YTHDF3: variants seen among roughly 807,000 people sequenced by gnomAD.
YTHDF3 encodes the protein YTH domain-containing family protein 3.
A neutral mutation model predicts 52.5 loss-of-function variants in YTHDF3; 9 were observed. The ratio of observed to expected loss-of-function variants is 0.17; its 90% confidence interval spans 0.10 to 0.30. The LOEUF is 0.30. Among genes scored for constraint, YTHDF3 ranks in the 10% least tolerant of loss-of-function variants. YTHDF3 has a pLI of 1.00. For missense variants in YTHDF3, 534 were observed against 715.0 expected (o/e 0.75, Z 2.89); for synonymous variants, 274 against 243.3 (o/e 1.13, Z -1.18).
At chr8:63,184,523 T>C (rs1808372643) in intron 3 of YTHDF3, among the ~76,000 whole-genome samples, 1 of 152,226 alleles carries the variant, frequency 6.6e-6, no homozygotes, top group Non-Finnish European at 1.5e-5. Context: ...CACAGGTAAT[T>C]TAATAGTAAA....
chr8:63,179,645 G>A (rs868211864), intron 3 of YTHDF3, among the ~76,000 whole-genome samples: 11 of 152,162 alleles, frequency 7.2e-5, no homozygotes, highest in Admixed American at 4.6e-4. Context: ...GCAACCATCC[G>A]ATTTCTCAAT....
chr8:63,208,256 T>TA (rs1409208211), intron 4 of YTHDF3, among the ~76,000 whole-genome samples: 1 of 152,120 alleles, frequency 6.6e-6, no homozygotes, highest in East Asian at 1.9e-4. Context: ...TGTATTAAAA[T>TA]AAAAAAGAAA....
At chr8:63,177,919 G>T (rs1172858527) in intron 3 of YTHDF3, among the ~76,000 whole-genome samples, 1 of 151,966 alleles carries the variant, frequency 6.6e-6, no homozygotes, top group Non-Finnish European at 1.5e-5. Flanking sequence ...TACCACGCCT[G>T]GCTAATTTTT....
chr8:63,169,157 A>G, intron 1 of YTHDF3: 1 of 1,419,174 alleles, frequency 7.0e-7, no homozygotes, highest in Non-Finnish European at 9.3e-7. Context: ...TGAGGGCGGC[A>G]GACATGGGGC....
intron 4 of YTHDF3, among the ~76,000 whole-genome samples, chr8:63,190,420 GTAT>G (rs1236248073): frequency 2.0e-5 from 3 of 151,728 alleles, no homozygotes; most frequent in African/African-American, 4.9e-5. Context: ...TATTGTAGCT[GTAT>G]TATTATATAT....
Position 63,210,178 on chromosome 8 carries a change from C to CTCCA in YTHDF3, c.*473_*474insCCAT, listed in dbSNP as rs1810296099. 6.5e-6 allele frequency: 1 copy of CTCCA among 153,140 alleles called. No individual in the cohort carries two copies. Among genetic ancestry groups the CTCCA allele is most frequent in the Non-Finnish European group, 1.5e-5 (1 of 68,470 alleles). The allele number at this position is 153,140 out of a possible 1,614,324, so 9.5% of individuals were successfully genotyped here. On this transcript the variant is annotated 3_prime_UTR_variant, in exon 5 of 5. Transcript: ENST00000539294. ...CAAAATAATCATGCCATATTTAGTC[C>CTCCA]TGGAGTTCAAGTCTAAATGTTGATG...
chr8:63,208,547 A>T (rs573348662), intron 4 of YTHDF3, among the ~76,000 whole-genome samples: 10 of 152,320 alleles, frequency 6.6e-5, no homozygotes, highest in Non-Finnish European at 1.5e-4. Context: ...CTTAGGTTCC[A>T]CGTCAGACCT....
At chr8:63,178,920 CA>C (rs775993765) in intron 3 of YTHDF3, among the ~76,000 whole-genome samples, 6 of 152,154 alleles carry the variant, frequency 3.9e-5, no homozygotes, top group Non-Finnish European at 8.8e-5. Flanking sequence ...TAGAGTTACA[CA>C]ACTATTTAAT....
At chr8:63,204,682 G>A (rs570410088) in intron 4 of YTHDF3, among the ~76,000 whole-genome samples, 1 of 152,272 alleles carries the variant, frequency 6.6e-6, no homozygotes, top group Admixed American at 6.5e-5. Context: ...GCATTTCATA[G>A]CAAGTGTCTG....
chr8:63,201,929 T>C (rs1809667347), intron 4 of YTHDF3, among the ~76,000 whole-genome samples: 1 of 152,252 alleles, frequency 6.6e-6, no homozygotes, highest in Admixed American at 6.5e-5. Flanking sequence ...TCTTTTTTCC[T>C]GAGATTTCTC....
At chr8:63,194,025 GTTTTT>G (rs34053682) in intron 4 of YTHDF3, among the ~76,000 whole-genome samples, 1 of 143,596 alleles carries the variant, frequency 7.0e-6, no homozygotes, top group South Asian at 2.2e-4. Context: ...GCAATCAATA[GTTTTT>G]TTTTTTTTTC....
intron 2 of YTHDF3, among the ~76,000 whole-genome samples, chr8:63,174,811 G>A (rs756794708): frequency 1.3e-5 from 2 of 152,092 alleles, no homozygotes; most frequent in Non-Finnish European, 2.9e-5. Flanking sequence ...ATTGTTTCAA[G>A]TTAATTTTAG....
intron 4 of YTHDF3, among the ~76,000 whole-genome samples, chr8:63,191,707 G>A (rs1416708922): frequency 6.6e-6 from 1 of 152,052 alleles, no homozygotes. Context: ...TTGGTTGTTT[G>A]TCCCTATAAG....
intron 4 of YTHDF3, among the ~76,000 whole-genome samples, chr8:63,205,895 T>C (rs915571173): frequency 2.0e-5 from 3 of 152,180 alleles, no homozygotes; most frequent in Non-Finnish European, 4.4e-5. Context: ...TCTTAAAAAA[T>C]GGATCATTAA....
intron 4 of YTHDF3, among the ~76,000 whole-genome samples, chr8:63,201,774 C>G: frequency 6.6e-6 from 1 of 152,198 alleles, no homozygotes; most frequent in East Asian, 1.9e-4. Context: ...GCTATAAAAG[C>G]TATTAGTGAA....
intron 3 of YTHDF3, among the ~76,000 whole-genome samples, chr8:63,183,051 G>T (rs1482565805): frequency 6.6e-6 from 1 of 151,448 alleles, no homozygotes; most frequent in Non-Finnish European, 1.5e-5. Context: ...CTGCCTCCTG[G>T]GTTCAAGCGA....
chr8:63,196,238 C>T (rs949879766), intron 4 of YTHDF3, among the ~76,000 whole-genome samples: 27 of 148,144 alleles, frequency 1.8e-4, no homozygotes, highest in Middle Eastern at 3.5e-3. Flanking sequence ...CCAGCTTGGG[C>T]GACAGAAGTC....
chr8:63,185,404 T>TA (rs893684154), intron 3 of YTHDF3, among the ~76,000 whole-genome samples: 9 of 151,750 alleles, frequency 5.9e-5, no homozygotes, highest in African/African-American at 1.2e-4. Flanking sequence ...ATTACTAAAT[T>TA]AAAAAAAACC....
chr8:63,203,395 T>C (rs992923691), intron 4 of YTHDF3, among the ~76,000 whole-genome samples: 1 of 152,170 alleles, frequency 6.6e-6, no homozygotes, highest in East Asian at 1.9e-4. Flanking sequence ...CACACACATA[T>C]ATTTCTGCCA....
Sources: allele counts gnomAD v4.1 joint callset (sites outside exome capture counted in the v4.1 genomes callset), GRCh38; gene constraint gnomAD v4.1.1; transcripts MANE v1.5; gene names NCBI Gene and HGNC (gene_info 2026-07-23, HGNC 2026-07-21).